The following YEATS2 variants were observed in gnomAD, a reference collection of about 807,000 sequenced individuals.
YEATS2 encodes YEATS domain-containing protein 2.
In YEATS2, 77 loss-of-function variants were observed where a neutral mutation model predicts 163.2. The ratio of observed to expected loss-of-function variants is 0.47; its 90% CI spans 0.39 to 0.57. YEATS2 has a LOEUF of 0.57. Among genes scored for constraint, YEATS2 ranks in the 20% least tolerant of loss-of-function variants. The pLI is 0.00. For synonymous variants in YEATS2, 631 were observed against 645.1 expected (o/e 0.98, Z 0.33); for missense variants, 1,549 against 1,729.8 (o/e 0.90, Z 1.85).
Position 183,697,989 on chromosome 3 carries a change from A to G in YEATS2, c.-24A>G, listed in dbSNP as rs1411492918. 1.3e-5 allele frequency: 2 copies of G among 151,440 alleles called. No individual in the cohort carries two copies. The highest frequency in any genetic ancestry group is 1.3e-4 in the Admixed American group (2 of 15,232). 9.4% of individuals were successfully genotyped at this position (151,440 alleles called of 1,614,324 possible). On this transcript the variant is annotated 5_prime_UTR_variant, in exon 1 of 31. Transcript: ENST00000305135. The stretch of plus-strand genomic sequence containing the variant: ...CCGCGCTGCAGCCGGAGACCCGGAG[A>G]AAGGGTGAGTGTTGGCGGGCGCAGG...
At chr3:183,700,622 A>G (rs1402325822) in intron 1 of YEATS2, among the ~76,000 whole-genome samples, 1 of 133,104 alleles carries the variant, frequency 7.5e-6, no homozygotes, top group Non-Finnish European at 1.6e-5. Flanking sequence ...TTTTTGAGAC[A>G]GAATCACAGT....
chr3:183,758,882 T>C lies in YEATS2; in HGVS notation c.1573T>C (p.Ser525Pro), dbSNP rs745783059. 1 of 1,594,670 alleles carries C rather than the reference T, an allele frequency of 6.3e-7. No homozygotes were observed. ...ATCAGGAAGTCCTACAAACAAGATC[T>C]CCACGGCTTCTCAGGTCTCCCAAGG... The part of the protein sequence containing the change: ...PSTGSPTNKI[S>P]TASQVSQGTG... Residue 525 changes from serine to proline, a missense_variant, in exon 13 of 31, where the codon TCC (serine) becomes CCC (proline). Coordinates refer to ENST00000305135, the MANE Select transcript of YEATS2 (RefSeq NM_018023.5).
intron 15 of YEATS2, among the ~76,000 whole-genome samples, chr3:183,766,629 A>G (rs143546015): frequency 6.6e-6 from 1 of 152,310 alleles, no homozygotes; most frequent in East Asian, 1.9e-4. Flanking sequence ...ATGGGAAGAG[A>G]ATGAGGAAAG....
intron 7 of YEATS2, among the ~76,000 whole-genome samples, chr3:183,730,211 C>T (rs1181294246): frequency 6.6e-6 from 1 of 150,604 alleles, no homozygotes; most frequent in African/African-American, 2.4e-5. Flanking sequence ...ATTACAGGTG[C>T]ACGCCACCAT....
chr3:183,791,119 T>C, intron 21 of YEATS2, 139 bp downstream of exon 21: 3 of 1,190,098 alleles, frequency 2.5e-6, no homozygotes, highest in Non-Finnish European at 3.5e-6. Flanking sequence ...CTGCAACCTC[T>C]GCCTTCCAGG....
intron 2 of YEATS2, 40 bp from the exon 3 acceptor site, chr3:183,717,611 A>G: frequency 7.1e-7 from 1 of 1,407,648 alleles, no homozygotes; most frequent in South Asian, 1.4e-5. Flanking sequence ...ACAGTCACTG[A>G]TTAATTAGGC....
chr3:183,714,256 C>T (rs955253704), intron 1 of YEATS2, among the ~76,000 whole-genome samples: 13 of 146,978 alleles, frequency 8.8e-5, no homozygotes, highest in African/African-American at 2.3e-4. Flanking sequence ...AGTGCAGTGG[C>T]GCGATCTCAG....
At position 183,722,278 on chromosome 3, in the gene YEATS2, C is replaced by CTTTTTTTTTT. The variant is rs200048624; in HGVS notation, c.537+161_537+170dup. 8.4e-5 allele frequency: 26 copies of CTTTTTTTTTT among 310,398 alleles called. 1 individual carries two copies. The African/African-American group carries it at 1.1e-3, about 14-fold the overall frequency. 19.2% of individuals were successfully genotyped at this position (310,398 alleles called of 1,614,324 possible). On this transcript the variant is annotated intron_variant, in intron 5 of 30. Coordinates refer to ENST00000305135, the MANE Select transcript of YEATS2 (RefSeq NM_018023.5). The stretch of plus-strand genomic sequence containing the variant: ...TCCTTTTATAATGGGGAAACCAAAT[C>CTTTTTTTTTT]TTTTTTTTTTTTTTTTTTTTTTTTT...
chr3:183,721,446 A>T (rs980926864), intron 4 of YEATS2, among the ~76,000 whole-genome samples: 1 of 152,236 alleles, frequency 6.6e-6, no homozygotes, highest in African/African-American at 2.4e-5. Context: ...TACAATCAGT[A>T]TTAGTCATTC....
intron 19 of YEATS2, among the ~76,000 whole-genome samples, chr3:183,782,337 G>T (rs1161879511): frequency 6.7e-6 from 1 of 149,992 alleles, no homozygotes; most frequent in African/African-American, 2.5e-5. Flanking sequence ...TCGAACTCCT[G>T]ACCTCAGGTG....
chr3:183,759,027 T>C (rs1165487600), intron 13 of YEATS2, 62 bp downstream of exon 13: 2 of 1,239,806 alleles, frequency 1.6e-6, no homozygotes, highest in South Asian at 1.5e-5. Flanking sequence ...TTTTAAAAAA[T>C]AATTTTTCAA....
intron 16 of YEATS2, among the ~76,000 whole-genome samples, chr3:183,772,986 T>C (rs1021372519): frequency 1.3e-5 from 2 of 152,150 alleles, no homozygotes; most frequent in Non-Finnish European, 2.9e-5. Context: ...CTAATAACAA[T>C]GTAAATAACA....
intron 8 of YEATS2, among the ~76,000 whole-genome samples, chr3:183,741,933 G>A (rs970952411): frequency 6.6e-6 from 1 of 151,808 alleles, no homozygotes; most frequent in Admixed American, 6.6e-5. Flanking sequence ...TTGTGGCCAG[G>A]CACAGTGGCT....
chr3:183,777,515 A>G, intron 18 of YEATS2, 27 bp from the exon 19 acceptor site: 1 of 1,609,182 alleles, frequency 6.2e-7, no homozygotes, highest in Non-Finnish European at 8.5e-7. Context: ...ATTACCGATT[A>G]GTTCTTTATA....
rs1283432086 is a variant in YEATS2 at position 183,760,313 on chromosome 3, A to AGTTTTTTTTTTT, written c.1657-1194_1657-1193insGTTTTTTTTTTT. Among the ~76,000 whole-genome samples, 8 of 110,314 alleles carry AGTTTTTTTTTTT rather than the reference A, an allele frequency of 7.3e-5. 3 individuals carry two copies. The highest frequency in any genetic ancestry group is 7.0e-5 in the Non-Finnish European group (4 of 56,962). 72.4% of individuals were successfully genotyped at this position (110,314 alleles called of 152,430 possible). ...TTGAGAATTAAAGAGAAACTACAGA[A>AGTTTTTTTTTTT]TTTTTTTTTTTTTTTTTTTTTTTTT... On this transcript the variant is annotated intron_variant, in intron 13 of 30. Coordinates refer to ENST00000305135, the MANE Select transcript of YEATS2 (RefSeq NM_018023.5).
chr3:183,722,448 C>A (rs551484492), intron 5 of YEATS2, among the ~76,000 whole-genome samples: 46 of 151,994 alleles, frequency 3.0e-4, no homozygotes, highest in African/African-American at 1.1e-3. Context: ...GCCACCACGC[C>A]CGGCTAATTT....
intron 7 of YEATS2, 152 bp from the exon 8 acceptor site, chr3:183,736,566 A>C (rs761877498): frequency 3.4e-6 from 2 of 584,292 alleles, no homozygotes; most frequent in African/African-American, 3.8e-5. Context: ...CATTTTAGCA[A>C]AATTCGGCAT....
intron 8 of YEATS2, among the ~76,000 whole-genome samples, chr3:183,747,069 C>T (rs16858049): frequency 0.024 from 3,633 of 152,122 alleles, 150 homozygotes; most frequent in African/African-American, 0.083. Context: ...TATTAACATA[C>T]CCTCAGTTTG....
intron 1 of YEATS2, among the ~76,000 whole-genome samples, chr3:183,708,542 C>T (rs546863960): frequency 4.6e-5 from 7 of 151,912 alleles, no homozygotes; most frequent in Admixed American, 4.6e-4. Context: ...AATTATTTTT[C>T]TCTTGGGTTT....
Sources: allele counts gnomAD v4.1 joint callset (sites outside exome capture counted in the v4.1 genomes callset), GRCh38; gene constraint gnomAD v4.1.1; transcripts MANE v1.5; gene names NCBI Gene and HGNC (gene_info 2026-07-23, HGNC 2026-07-21).